Variants in DCBLD1 observed in about 807,000 individuals in gnomAD.
DCBLD1 encodes discoidin, CUB and LCCL domain-containing protein 1.
A neutral mutation model predicts 71.5 loss-of-function variants in DCBLD1; 57 were observed. The ratio of observed to expected loss-of-function variants is 0.80; its 90% confidence interval spans 0.64 to 0.99. DCBLD1 has a LOEUF of 0.99. Among genes scored for constraint, DCBLD1 ranks in the 50% least tolerant of loss-of-function variants. DCBLD1 has a pLI of 0.00. For synonymous variants in DCBLD1, 380 were observed against 363.8 expected (o/e 1.04, Z -0.51); for missense variants, 891 against 923.5 (o/e 0.96, Z 0.46).
chr6:117,544,168 C>T (rs1047967245), intron 12 of DCBLD1: 9 of 183,170 alleles, frequency 4.9e-5, no homozygotes, highest in African/African-American at 9.4e-5. Flanking sequence ...CTAAAGACAC[C>T]CACAGTTTTG....
Position 117,540,999 on chromosome 6 carries a change from C to G in DCBLD1, c.1331C>G (p.Pro444Arg). 1 of 1,614,156 alleles carries G rather than the reference C, an allele frequency of 6.2e-7. No homozygotes were observed. Among genetic ancestry groups the G allele is most frequent in the Non-Finnish European group, 8.5e-7 (1 of 1,180,028 alleles). The change falls in exon 11 of 15, where the codon CCC becomes CGC. Residue 444 changes from proline to arginine, a missense_variant. Transcript: ENST00000338728. ...TKKEDETITR[P>R]IPSEETSTGI... is the part of the protein sequence containing the mutation. ...AAAGAAGATGAGACAATCACAAGGCCCATCCCCTCGGAAGAAACATCCACA... is the reference window on the plus strand; with the variant it reads ...AAAGAAGATGAGACAATCACAAGGCGCATCCCCTCGGAAGAAACATCCACA...
At chr6:117,538,970 A>G in intron 8 of DCBLD1, 135 bp downstream of exon 8, 1 of 976,904 alleles carries the variant, frequency 1.0e-6, no homozygotes, top group Non-Finnish European at 1.5e-6. Flanking sequence ...TTGAAAATGT[A>G]ACAAATCTTT....
intron 5 of DCBLD1, 79 bp downstream of exon 5, chr6:117,525,513 A>G: frequency 9.5e-7 from 1 of 1,053,198 alleles, no homozygotes. Flanking sequence ...TTACTGAGTA[A>G]AGTCAAATGA....
intron 5 of DCBLD1, among the ~76,000 whole-genome samples, chr6:117,529,051 A>G (rs2114514465): frequency 1.3e-5 from 2 of 152,286 alleles, no homozygotes; most frequent in South Asian, 2.1e-4. Context: ...TGTGTTAGCC[A>G]GGATGGTCTC....
At chr6:117,513,914 A>C (rs1186944079) in intron 2 of DCBLD1, among the ~76,000 whole-genome samples, 1 of 152,074 alleles carries the variant, frequency 6.6e-6, no homozygotes, top group Non-Finnish European at 1.5e-5. Flanking sequence ...ACCTTTGGAG[A>C]GTACCAACAG....
chr6:117,506,375 T>C (rs1198747744), intron 2 of DCBLD1, among the ~76,000 whole-genome samples: 8 of 152,196 alleles, frequency 5.3e-5, no homozygotes. Flanking sequence ...CACATTGCAC[T>C]ATCATCCTTC....
chr6:117,509,389 C>T, intron 2 of DCBLD1, among the ~76,000 whole-genome samples: 1 of 152,084 alleles, frequency 6.6e-6, no homozygotes, highest in East Asian at 1.9e-4. Context: ...CCATGTCGTG[C>T]CACAACACTC....
In DCBLD1 at chr6:117,549,424, G is replaced by T. The variant is rs1779384526; in HGVS notation, c.*985G>T. ...AAACTGATCTCATTTTATAAGAAAT[G>T]ATTTTCCCCTCAAGGAGGCGTCTGT... On this transcript the variant is annotated 3_prime_UTR_variant, in exon 15 of 15. Transcript: ENST00000338728. 2.0e-6 allele frequency: 2 copies of T among 985,362 alleles called. No individual in the cohort carries two copies. The highest frequency in any genetic ancestry group is 1.2e-6 in the Non-Finnish European group (1 of 829,930). 61.0% of individuals were successfully genotyped at this position (985,362 alleles called of 1,614,324 possible). A position where few individuals can be genotyped will look rare whatever the true frequency, so the allele number is the denominator to read the frequency against.
intron 12 of DCBLD1, among the ~76,000 whole-genome samples, chr6:117,543,814 T>G (rs1779177240): frequency 6.6e-6 from 1 of 152,246 alleles, no homozygotes; most frequent in African/African-American, 2.4e-5. Context: ...AATAGGCTGC[T>G]TGGGGTATCA....
At chr6:117,484,728 G>A (rs988693381) in intron 1 of DCBLD1, among the ~76,000 whole-genome samples, 4 of 152,094 alleles carry the variant, frequency 2.6e-5, no homozygotes, top group Non-Finnish European at 4.4e-5. Context: ...AGGCAATTTC[G>A]TATTAGACTT....
intron 2 of DCBLD1, among the ~76,000 whole-genome samples, chr6:117,518,047 G>C (rs1284849220): frequency 1.3e-5 from 2 of 152,142 alleles, no homozygotes; most frequent in African/African-American, 4.8e-5. Flanking sequence ...GCACTGTCAG[G>C]CTGCAAATTT....
At chr6:117,506,870 G>C (rs570940943) in intron 2 of DCBLD1, among the ~76,000 whole-genome samples, 178 of 152,326 alleles carry the variant, frequency 1.2e-3, no homozygotes, top group African/African-American at 4.1e-3. Context: ...GGGAGAGAAT[G>C]CATGTTCTGG....
chr6:117,549,492 T>C lies in DCBLD1; in HGVS notation c.*1053T>C. 1.0e-6 allele frequency: 1 copy of C among 985,338 alleles called. No homozygotes were observed. The highest frequency in any genetic ancestry group is 1.2e-6 in the Non-Finnish European group (1 of 829,912). The allele number at this position is 985,338 out of a possible 1,614,324, so 61.0% of individuals were successfully genotyped here. A position where few individuals can be genotyped will look rare whatever the true frequency, so the allele number is the denominator to read the frequency against. ...GACATCAGCTGTACCTCATGCTCAG[T>C]AGTTTTTATTTGAGTTTCTTTTGTG... is the stretch of plus-strand genomic sequence containing the variant. On this transcript the variant is annotated 3_prime_UTR_variant, in exon 15 of 15. Transcript: ENST00000338728.
At chr6:117,504,948 C>T (rs922596216) in intron 2 of DCBLD1, among the ~76,000 whole-genome samples, 5 of 152,210 alleles carry the variant, frequency 3.3e-5, no homozygotes, top group African/African-American at 1.2e-4. Context: ...TCTCACCTGT[C>T]TTGACCTTTG....
chr6:117,519,937 C>T lies in DCBLD1; in HGVS notation c.447C>T (p.Ser149=). 1 of 1,613,936 alleles carries T rather than the reference C, an allele frequency of 6.2e-7. No individual in the cohort carries two copies. The highest frequency in any genetic ancestry group is 8.5e-7 in the Non-Finnish European group (1 of 1,179,878). ...GGGGTTTTTTGCTGACCTATGCGAGCAGCGACCATCCAGGTATAACGGAAG... is the reference window on the plus strand; with the variant it reads ...GGGGTTTTTTGCTGACCTATGCGAGTAGCGACCATCCAGGTATAACGGAAG... ...SGRGFLLTYA[S]SDHPDLITCL... Residue 149 remains serine, a synonymous_variant, in exon 3 of 15, where the codon AGC becomes AGT. Transcript: ENST00000338728.
intron 14 of DCBLD1, among the ~76,000 whole-genome samples, chr6:117,565,854 C>T (rs955710859): frequency 2.0e-5 from 3 of 152,138 alleles, no homozygotes; most frequent in African/African-American, 7.2e-5. Context: ...AAATTGTCTT[C>T]CATGAAGAAA....
At chr6:117,497,633 C>T (rs1777514038) in intron 1 of DCBLD1, among the ~76,000 whole-genome samples, 1 of 152,168 alleles carries the variant, frequency 6.6e-6, no homozygotes, top group Non-Finnish European at 1.5e-5. Context: ...TCAAGTTAGT[C>T]TCAAGAATTT....
At chr6:117,483,187 C>T (rs910807852) in intron 1 of DCBLD1, among the ~76,000 whole-genome samples, 4 of 152,214 alleles carry the variant, frequency 2.6e-5, no homozygotes, top group Admixed American at 1.3e-4. Context: ...CGCCCCCCAG[C>T]CCATTTCACT....
intron 6 of DCBLD1, 127 bp from the exon 7 acceptor site, chr6:117,537,058 G>T: frequency 2.4e-6 from 2 of 837,236 alleles, no homozygotes; most frequent in Non-Finnish European, 4.0e-6. Context: ...AGGTTTGCAG[G>T]GGTGTTGTGA....
Sources: gnomAD v4.1 joint callset for allele counts (sites outside exome capture counted in the v4.1 genomes callset) on GRCh38, gnomAD v4.1.1 for gene constraint, MANE v1.5 for transcripts, NCBI Gene and HGNC (gene_info 2026-07-23, HGNC 2026-07-21) for gene names.